Variants in DLG1 observed in about 807,000 individuals in gnomAD.
DLG1 encodes discs large MAGUK scaffold protein 1, also known as disks large homolog 1.
A neutral mutation model predicts 123.4 loss-of-function variants in DLG1; 42 were observed. The observed-to-expected ratio is 0.34, with a 90% confidence interval of 0.27 to 0.44. The LOEUF is 0.44. DLG1 is among the 20% of genes least tolerant of loss of function. The pLI is 1.00. For missense variants in DLG1, 942 were observed against 1,082.6 expected (o/e 0.87, Z 1.82); for synonymous variants, 317 against 356.2 (o/e 0.89, Z 1.24).
chr3:197,078,059 C>T (rs889729777), intron 17 of DLG1, among the ~76,000 whole-genome samples: 2 of 151,494 alleles, frequency 1.3e-5, no homozygotes, highest in Admixed American at 6.6e-5. Flanking sequence ...CATCTGTAAC[C>T]CCAGCCCTTT....
chr3:197,102,782 T>C (rs1199528460), intron 14 of DLG1, among the ~76,000 whole-genome samples: 2 of 152,094 alleles, frequency 1.3e-5, no homozygotes, highest in East Asian at 1.9e-4. Context: ...GGCTTGAACC[T>C]GGGAGGCGGA....
chr3:197,250,734 C>T (rs570482805), intron 4 of DLG1, among the ~76,000 whole-genome samples: 3 of 152,086 alleles, frequency 2.0e-5, no homozygotes, highest in East Asian at 1.9e-4. Context: ...TGAACTCACA[C>T]GTGTCATTCC....
At chr3:197,290,591 CA>C (rs1774343917) in intron 3 of DLG1, among the ~76,000 whole-genome samples, 1 of 152,010 alleles carries the variant, frequency 6.6e-6, no homozygotes, top group Non-Finnish European at 1.5e-5. Context: ...CAGACAAACC[CA>C]AAATGAGAAA....
intron 4 of DLG1, among the ~76,000 whole-genome samples, chr3:197,211,899 A>G (rs1731430995): frequency 6.8e-6 from 1 of 146,896 alleles, no homozygotes; most frequent in Admixed American, 6.8e-5. Flanking sequence ...ACCATGGGAT[A>G]CCATGCAGCC....
rs150374575 is a variant in DLG1 at position 197,117,877 on chromosome 3, ATACTT to A, written c.1286+1528_1286+1532del. ...ACTGATGTAATATACCACAAATTGTATACTTTAAACAGGTGAAATTTATGATATGT... is the reference window on the plus strand; with the variant it reads ...ACTGATGTAATATACCACAAATTGTATAAACAGGTGAAATTTATGATATGT... On this transcript the variant is annotated intron_variant, in intron 12 of 24. Transcript: ENST00000667157. Among the ~76,000 whole-genome samples the A allele has an allele frequency of 1.0e-3, 152 of 152,362 alleles. 2 individuals are homozygous for A. Among genetic ancestry groups the A allele is most frequent in the African/African-American group, 3.3e-3 (136 of 41,594 alleles).
chr3:197,121,088 C>A (rs1292485393), intron 11 of DLG1, among the ~76,000 whole-genome samples: 1 of 152,004 alleles, frequency 6.6e-6, no homozygotes, highest in Non-Finnish European at 1.5e-5. Flanking sequence ...AACAACTAGA[C>A]AAGAAATCCA....
intron 10 of DLG1, 131 bp downstream of exon 10, chr3:197,136,411 A>C: frequency 1.5e-6 from 1 of 646,300 alleles, no homozygotes; most frequent in Non-Finnish European, 2.6e-6. Context: ...TTAGGATTTG[A>C]TACAGCAAGG....
intron 5 of DLG1, among the ~76,000 whole-genome samples, chr3:197,178,161 G>A (rs772032176): frequency 6.6e-6 from 1 of 152,096 alleles, no homozygotes; most frequent in Non-Finnish European, 1.5e-5. Context: ...TGGAGTGAAG[G>A]GGTGCTACCT....
At chr3:197,215,460 T>C (rs1463226687) in intron 4 of DLG1, among the ~76,000 whole-genome samples, 1 of 152,148 alleles carries the variant, frequency 6.6e-6, no homozygotes, top group African/African-American at 2.4e-5. Context: ...CATAGGAGAT[T>C]ATGACTTCTA....
chr3:197,246,368 T>C (rs574549761), intron 4 of DLG1, among the ~76,000 whole-genome samples: 1 of 152,184 alleles, frequency 6.6e-6, no homozygotes, highest in African/African-American at 2.4e-5. Context: ...CCTGGTGTGT[T>C]GAGTGAACTG....
intron 4 of DLG1, among the ~76,000 whole-genome samples, chr3:197,202,875 G>A (rs1446785493): frequency 6.6e-6 from 1 of 152,206 alleles, no homozygotes; most frequent in East Asian, 1.9e-4. Flanking sequence ...AGGGTAAGGA[G>A]GAATGCTGTC....
intron 4 of DLG1, among the ~76,000 whole-genome samples, chr3:197,257,054 C>A (rs1757205469): frequency 6.6e-6 from 1 of 152,086 alleles, no homozygotes; most frequent in Non-Finnish European, 1.5e-5. Flanking sequence ...TTTCTATTCA[C>A]TATTAAAACC....
At chr3:197,221,295 A>AT (rs1447475269) in intron 4 of DLG1, among the ~76,000 whole-genome samples, 7 of 152,174 alleles carry the variant, frequency 4.6e-5, no homozygotes, top group Non-Finnish European at 8.8e-5. Flanking sequence ...AGGCGGGTGG[A>AT]TCACCTGAGG....
chr3:197,145,000 T>C (rs571703284), intron 6 of DLG1, among the ~76,000 whole-genome samples: 52 of 151,896 alleles, frequency 3.4e-4, no homozygotes, highest in African/African-American at 1.0e-3. Flanking sequence ...TTGTTTTTCA[T>C]AGAGATGGGG....
intron 5 of DLG1, among the ~76,000 whole-genome samples, chr3:197,165,920 T>TA (rs1801169653): frequency 1.3e-5 from 2 of 152,208 alleles, no homozygotes; most frequent in Admixed American, 1.3e-4. Context: ...GATGATATGG[T>TA]AGAGTATCAT....
At chr3:197,124,285 T>A (rs192390521) in intron 11 of DLG1, among the ~76,000 whole-genome samples, 4,702 of 152,292 alleles carry the variant, frequency 0.031, 120 homozygotes, top group Non-Finnish European at 0.047. Flanking sequence ...GTATGTTTTT[T>A]TATTTTTCTT....
intron 10 of DLG1, among the ~76,000 whole-genome samples, chr3:197,130,931 T>C (rs1237294544): frequency 6.6e-6 from 1 of 152,208 alleles, no homozygotes; most frequent in African/African-American, 2.4e-5. Context: ...TTTTCTCTCA[T>C]TCTTAGGCAT....
chr3:197,237,050 T>G (rs918003535), intron 4 of DLG1, among the ~76,000 whole-genome samples: 1 of 151,990 alleles, frequency 6.6e-6, no homozygotes, highest in Admixed American at 6.6e-5. Flanking sequence ...CCTGCTCAGA[T>G]CAGAATGTGG....
intron 7 of DLG1, among the ~76,000 whole-genome samples, chr3:197,140,990 GA>G (rs1267731296): frequency 2.0e-5 from 3 of 152,164 alleles, no homozygotes; most frequent in Non-Finnish European, 4.4e-5. Flanking sequence ...GTTCTTCACA[GA>G]AAGGGTTCGA....
Sources: gnomAD v4.1 joint callset for allele counts (sites outside exome capture counted in the v4.1 genomes callset) on GRCh38, gnomAD v4.1.1 for gene constraint, MANE v1.5 for transcripts, NCBI Gene and HGNC (gene_info 2026-07-23, HGNC 2026-07-21) for gene names.